ADAM22: variants seen among roughly 807,000 people sequenced by gnomAD.
ADAM22 encodes the protein ADAM metallopeptidase domain 22.
A neutral mutation model predicts 144.6 loss-of-function variants in ADAM22; 65 were observed. The ratio of observed to expected loss-of-function variants is 0.45; its 90% CI spans 0.37 to 0.55. ADAM22 has a LOEUF of 0.55. Among genes scored for constraint, ADAM22 ranks in the 20% least tolerant of loss-of-function variants. The pLI is 0.00. For synonymous variants in ADAM22, 391 were observed against 412.6 expected, an observed-to-expected ratio of 0.95 and a Z score of 0.63; for missense variants, 974 against 1,184.9, an observed-to-expected ratio of 0.82 and a Z score of 2.61.
At chr7:88,156,094 C>T (rs1478889848) in intron 22 of ADAM22, 88 bp downstream of exon 22, 2 of 1,438,536 alleles carry the variant, frequency 1.4e-6, no homozygotes, top group African/African-American at 1.4e-5. Context: ...AATTAATGTA[C>T]ATGTTAGTAG....
chr7:88,117,219 T>G (rs935356473), intron 7 of ADAM22, among the ~76,000 whole-genome samples: 3 of 152,214 alleles, frequency 2.0e-5, no homozygotes, highest in Admixed American at 1.3e-4. Context: ...AGAACTATTA[T>G]GGGTTAACTT....
intron 8 of ADAM22, among the ~76,000 whole-genome samples, chr7:88,127,831 A>T (rs1830795638): frequency 6.6e-6 from 1 of 152,036 alleles, no homozygotes; most frequent in South Asian, 2.1e-4. Context: ...CTTGTTAATG[A>T]TTATATTATA....
rs547120582 is a variant in ADAM22 at position 87,941,379 on chromosome 7, T to C, written c.246+6193T>C. On this transcript the variant is annotated intron_variant, in intron 2 of 31. Coordinates refer to ENST00000413139, the MANE Select transcript of ADAM22 (RefSeq NM_001324418.2). ...CATGGATGAGCTGTACTTTACATTG[T>C]GCTGTTTCATTGAGGGGCACTGAGT... Among the ~76,000 whole-genome samples the C allele has an allele frequency of 6.6e-5, 10 of 152,360 alleles. No individual in the cohort carries two copies. The South Asian group carries it at 2.1e-3, about 32-fold the overall frequency.
chr7:88,102,067 G>C (rs1446092933), intron 4 of ADAM22, among the ~76,000 whole-genome samples: 1 of 152,154 alleles, frequency 6.6e-6, no homozygotes, highest in African/African-American at 2.4e-5. Context: ...CTTGTAAAAG[G>C]GGGGAAATAA....
chr7:88,164,780 T>G (rs1489932910), intron 23 of ADAM22, among the ~76,000 whole-genome samples: 15 of 152,108 alleles, frequency 9.9e-5, no homozygotes, highest in Admixed American at 9.8e-4. Context: ...TTATTATGAT[T>G]ACTGTATACT....
rs571766084 is a variant in ADAM22, at chr7:88,200,090, T to C, written c.*3599T>C. The C allele has an allele frequency of 6.6e-6, 1 of 152,342 alleles. No homozygotes were observed. The highest frequency in any genetic ancestry group is 2.1e-4 in the South Asian group (1 of 4,832). 9.4% of individuals were successfully genotyped at this position (152,342 alleles called of 1,614,324 possible). On this transcript the variant is annotated 3_prime_UTR_variant, in exon 32 of 32. Transcript: ENST00000413139. Reference sequence around the variant, plus strand: ...TGTGGCTACTTTACCTGTTACCTTTTTTGGGATTTTGTTCTTTATGTTTTA... The same window carrying C: ...TGTGGCTACTTTACCTGTTACCTTTCTTGGGATTTTGTTCTTTATGTTTTA...
chr7:87,952,252 C>T (rs1255658786), intron 2 of ADAM22, among the ~76,000 whole-genome samples: 2 of 151,576 alleles, frequency 1.3e-5, no homozygotes, highest in Non-Finnish European at 3.0e-5. Flanking sequence ...AGTTTCTGCC[C>T]ATTCAGTATG....
At chr7:88,145,911 T>C (rs552212716) in intron 17 of ADAM22, among the ~76,000 whole-genome samples, 70 of 152,312 alleles carry the variant, frequency 4.6e-4, no homozygotes, top group African/African-American at 1.6e-3. Flanking sequence ...CAGTAGATCT[T>C]TTCTTGTTGC....
intron 3 of ADAM22, among the ~76,000 whole-genome samples, chr7:88,037,032 T>A (rs935396525): frequency 1.3e-5 from 2 of 152,164 alleles, no homozygotes; most frequent in African/African-American, 4.8e-5. Context: ...TATTTGCTGA[T>A]GTTCCATAAT....
intron 2 of ADAM22, among the ~76,000 whole-genome samples, chr7:87,957,369 A>C (rs1847024649): frequency 6.6e-6 from 1 of 152,176 alleles, no homozygotes; most frequent in Non-Finnish European, 1.5e-5. Context: ...AAATAATTCA[A>C]ACATACAAAA....
At chr7:88,119,034 A>G (rs576361458) in intron 7 of ADAM22, among the ~76,000 whole-genome samples, 4 of 152,328 alleles carry the variant, frequency 2.6e-5, no homozygotes, top group African/African-American at 9.6e-5. Flanking sequence ...TATGTTTTAT[A>G]TATTTCCCAG....
At chr7:88,190,774 G>A (rs897899911) in intron 30 of ADAM22, among the ~76,000 whole-genome samples, 7 of 152,040 alleles carry the variant, frequency 4.6e-5, no homozygotes, top group Admixed American at 6.5e-5. Flanking sequence ...GTGTTTTACC[G>A]TACCGTGTTC....
chr7:88,077,231 T>G (rs546946001), intron 4 of ADAM22, among the ~76,000 whole-genome samples: 1 of 152,242 alleles, frequency 6.6e-6, no homozygotes, highest in African/African-American at 2.4e-5. Flanking sequence ...ATAAATTATA[T>G]TGTCCTATTC....
At chr7:88,082,708 A>G (rs1243379183) in intron 4 of ADAM22, among the ~76,000 whole-genome samples, 1 of 152,220 alleles carries the variant, frequency 6.6e-6, no homozygotes, top group Non-Finnish European at 1.5e-5. Context: ...AAAAGAAGAC[A>G]TTTATGCAGC....
chr7:88,137,564 C>T (rs1305375116), intron 14 of ADAM22, among the ~76,000 whole-genome samples: 1 of 152,080 alleles, frequency 6.6e-6, no homozygotes, highest in Non-Finnish European at 1.5e-5. Flanking sequence ...ATCTGGAATG[C>T]CTTTCCCTTT....
At chr7:88,062,211 T>G (rs1585356801) in intron 3 of ADAM22, among the ~76,000 whole-genome samples, 1 of 55,254 alleles carries the variant, frequency 1.8e-5, no homozygotes, top group Non-Finnish European at 5.7e-5. Context: ...AGATGACATC[T>G]TCTTCCAATA....
chr7:87,938,709 G>A (rs888650797), intron 2 of ADAM22, among the ~76,000 whole-genome samples: 2 of 152,020 alleles, frequency 1.3e-5, no homozygotes, highest in Non-Finnish European at 2.9e-5. Flanking sequence ...GAGTGCAGCG[G>A]CACAATCTCA....
At chr7:88,074,909 C>A (rs1289901046) in intron 3 of ADAM22, among the ~76,000 whole-genome samples, 3 of 152,076 alleles carry the variant, frequency 2.0e-5, no homozygotes, top group Non-Finnish European at 4.4e-5. Context: ...AATAGAGCAA[C>A]ACTAGAAATT....
At chr7:88,035,056 A>G (rs919259587) in intron 3 of ADAM22, among the ~76,000 whole-genome samples, 1 of 152,142 alleles carries the variant, frequency 6.6e-6, no homozygotes, top group African/African-American at 2.4e-5. Context: ...GTGTTCCTGC[A>G]GAGAGGATGA....
Sources: allele counts gnomAD v4.1 joint callset (sites outside exome capture counted in the v4.1 genomes callset), GRCh38; gene constraint gnomAD v4.1.1; transcripts MANE v1.5; gene names NCBI Gene and HGNC (gene_info 2026-07-23, HGNC 2026-07-21).